Variants in RNF43 observed in about 807,000 individuals in gnomAD.
RNF43 encodes the protein ring finger protein 43, also known as E3 ubiquitin-protein ligase RNF43.
RNF43 carries 37 observed loss-of-function variants against 78.4 expected under a neutral mutation model. The ratio of observed to expected loss-of-function variants is 0.47; its 90% CI spans 0.36 to 0.62. RNF43 has a LOEUF of 0.62. RNF43 is among the 20% of genes least tolerant of loss of function. The pLI, the probability that RNF43 is intolerant of heterozygous loss-of-function variation, is 0.00. For synonymous variants in RNF43, 347 were observed against 395.0 expected (o/e 0.88, Z 1.44); for missense variants, 774 against 1,007.9 (o/e 0.77, Z 3.14).
At chr17:58,387,309 ATACATT>A (rs1385899661) in intron 2 of RNF43, among the ~76,000 whole-genome samples, 1 of 152,188 alleles carries the variant, frequency 6.6e-6, no homozygotes, top group Non-Finnish European at 1.5e-5. Context: ...ACACACTTGA[ATACATT>A]TACATGAGAA....
intron 2 of RNF43, among the ~76,000 whole-genome samples, chr17:58,413,574 T>C (rs1394233827): frequency 2.0e-5 from 3 of 152,132 alleles, no homozygotes; most frequent in Admixed American, 1.3e-4. Context: ...TGTATAATGA[T>C]AGGATCAAAG....
At chr17:58,381,577 T>G (rs1425706575) in intron 2 of RNF43, among the ~76,000 whole-genome samples, 1 of 152,214 alleles carries the variant, frequency 6.6e-6, no homozygotes, top group Non-Finnish European at 1.5e-5. Flanking sequence ...TGGGAGGGAT[T>G]GCCATTTGGG....
chr17:58,384,774 C>T (rs962468374), intron 2 of RNF43, among the ~76,000 whole-genome samples: 4 of 152,174 alleles, frequency 2.6e-5, no homozygotes, highest in Non-Finnish European at 4.4e-5. Context: ...ACTAAACCTC[C>T]AATGACATAG....
At position 58,415,512 on chromosome 17, in the gene RNF43, C is replaced by G. The variant is rs1443871334; in HGVS notation, c.66G>C (p.Gln22His). The change falls in exon 2 of 10, where the codon CAG becomes CAC. Residue 22 changes from glutamine (Q) to histidine (H), a missense_variant. Gln to His is a conservative substitution (Grantham distance 24, BLOSUM62 0). Coordinates refer to ENST00000407977, the MANE Select transcript of RNF43 (RefSeq NM_017763.6). ...CCAGTCCTGTGCGTCCAAAGCCTGC[C>G]TGCAGGGTAGCCATCAGCAGCCAGG... Reference protein sequence around the residue: ...LWPWLLMATLQAGFGRTGLVL... With the variant: ...LWPWLLMATLHAGFGRTGLVL... 6.8e-6 allele frequency: 11 copies of G among 1,612,792 alleles called. No individual in the cohort carries two copies. Among genetic ancestry groups the G allele is most frequent in the Non-Finnish European group, 9.3e-6 (11 of 1,180,030 alleles).
chr17:58,367,921 TA>T (rs201439221), intron 3 of RNF43, among the ~76,000 whole-genome samples: 2,343 of 152,314 alleles, frequency 0.015, 51 homozygotes, highest in African/African-American at 0.054. Flanking sequence ...GGCATGGGGC[TA>T]AAAACTTCCA....
chr17:58,367,393 T>C (rs554431677), intron 3 of RNF43, among the ~76,000 whole-genome samples: 173 of 152,274 alleles, frequency 1.1e-3, no homozygotes, highest in African/African-American at 4.1e-3. Context: ...TCAGCCCCAC[T>C]TTTGAGGTGG....
downstream of RNF43, chr17:58,352,737 G>A (rs1463426904): frequency 4.7e-6 from 1 of 210,664 alleles, no homozygotes; most frequent in Non-Finnish European, 9.6e-6. Flanking sequence ...GGGAGCTACG[G>A]CGGAAAAAAA....
chr17:58,369,426 T>G (rs533552623), intron 3 of RNF43, among the ~76,000 whole-genome samples: 1 of 152,252 alleles, frequency 6.6e-6, no homozygotes, highest in South Asian at 2.1e-4. Context: ...TGGGATGAGG[T>G]AAGAACCCAG....
rs1405424113 is a variant in RNF43 at position 58,357,094 on chromosome 17, A to C, written c.2308+374T>G. Reference sequence around the variant, plus strand: ...TTTTTAGTAGAGATAGGGTTTCACCATGTTGGCCAGGTTGGTCTTGAACTC... The same window carrying C: ...TTTTTAGTAGAGATAGGGTTTCACCCTGTTGGCCAGGTTGGTCTTGAACTC... On this transcript the variant is annotated intron_variant, in intron 9 of 9. Transcript: ENST00000407977. The surrounding 1 kb of genome is among the most constrained non-coding windows in gnomAD (Gnocchi z 4.5). 3.1e-6 allele frequency: 2 copies of C among 641,540 alleles called. No individual in the cohort carries two copies. Among genetic ancestry groups the C allele is most frequent in the African/African-American group, 3.6e-5 (2 of 55,332 alleles). The allele number at this position is 641,540 out of a possible 1,614,324, so 39.7% of individuals were successfully genotyped here. A position where few individuals can be genotyped will look rare whatever the true frequency, so the allele number is the denominator to read the frequency against.
At chr17:58,401,545 A>G (rs1973800606) in intron 2 of RNF43, among the ~76,000 whole-genome samples, 1 of 152,210 alleles carries the variant, frequency 6.6e-6, no homozygotes, top group Non-Finnish European at 1.5e-5. Context: ...ACAGGCTCTA[A>G]CTCAAACCTC....
chr17:58,404,017 G>A (rs1973856493), intron 2 of RNF43, among the ~76,000 whole-genome samples: 1 of 152,116 alleles, frequency 6.6e-6, no homozygotes, highest in African/African-American at 2.4e-5. Context: ...TACAATAAGG[G>A]TCCTCAATCT....
Position 58,357,625 on chromosome 17 carries a change from GGGGC to G in RNF43, c.2147_2150del (p.Gly716AlafsTer13), listed in dbSNP as rs1972715922. On this transcript the variant is annotated frameshift_variant, in exon 9 of 10. Coordinates refer to ENST00000407977, the MANE Select transcript of RNF43 (RefSeq NM_017763.6). LOFTEE classifies it high-confidence loss of function. This position sits in a 1 kb window ranked among gnomAD's most constrained non-coding sequence, Gnocchi z 4.5. ...ACACTGGCTGTGAATTTGAGTAACA[GGGGC>G]CTGGGGTTTCTGGTAGCAGCCTCTT... 6.2e-7 allele frequency: 1 copy of G among 1,613,858 alleles called. No individual in the cohort carries two copies. The highest frequency in any genetic ancestry group is 8.5e-7 in the Non-Finnish European group (1 of 1,179,906).
At chr17:58,363,753 G>C (rs971134836) in intron 3 of RNF43, among the ~76,000 whole-genome samples, 153 bp from the exon 4 acceptor site, 2 of 152,186 alleles carry the variant, frequency 1.3e-5, no homozygotes, top group Non-Finnish European at 2.9e-5. Context: ...AGGGGTCACT[G>C]GGTCTAAGAT....
intron 2 of RNF43, among the ~76,000 whole-genome samples, chr17:58,391,148 G>A (rs1973549080): frequency 6.6e-6 from 1 of 152,220 alleles, no homozygotes; most frequent in Admixed American, 6.5e-5. Context: ...GAGATATGGA[G>A]TACACTGAGG....
downstream of RNF43, chr17:58,352,923 A>T (rs1013856902): frequency 3.3e-5 from 7 of 213,712 alleles, no homozygotes; most frequent in Non-Finnish European, 6.6e-5. Flanking sequence ...CTTGTTCTAT[A>T]GGCACTAAAC....
In RNF43 at chr17:58,372,774, T is replaced by C. The variant is rs77903990; in HGVS notation, c.253-1741A>G. Among the ~76,000 whole-genome samples, 1,107 of 152,274 alleles carry C rather than the reference T, an allele frequency of 7.3e-3. 4 individuals carry two copies. Among genetic ancestry groups the C allele is most frequent in the Middle Eastern group, 0.034 (10 of 294 alleles). On this transcript the variant is annotated intron_variant, in intron 2 of 9. Coordinates refer to ENST00000407977, the MANE Select transcript of RNF43 (RefSeq NM_017763.6). ...TTTTCACAAGAGGTGACTGGAGAGC[T>C]ACCTGGAAGGCTAACTAGGTATGTG...
chr17:58,389,968 T>C (rs1440133389), intron 2 of RNF43, among the ~76,000 whole-genome samples: 1 of 152,196 alleles, frequency 6.6e-6, no homozygotes, highest in Non-Finnish European at 1.5e-5. Context: ...TGGAAGAAAG[T>C]ATTACTCGTC....
At chr17:58,412,661 G>GA in intron 2 of RNF43, among the ~76,000 whole-genome samples, 2 of 149,666 alleles carry the variant, frequency 1.3e-5, no homozygotes, top group Non-Finnish European at 1.5e-5. Context: ...TCAAGGGGGG[G>GA]GGTCTCCTTT....
chr17:58,397,975 C>T (rs563750575), intron 2 of RNF43, among the ~76,000 whole-genome samples: 1 of 152,270 alleles, frequency 6.6e-6, no homozygotes, highest in African/African-American at 2.4e-5. Flanking sequence ...TGTATCAGCC[C>T]ACTCCCTATC....
Sources: allele counts gnomAD v4.1 joint callset (sites outside exome capture counted in the v4.1 genomes callset), GRCh38; gene constraint gnomAD v4.1.1; non-coding constraint Gnocchi (gnomAD v3.1); transcripts MANE v1.5; gene names NCBI Gene and HGNC (gene_info 2026-07-23, HGNC 2026-07-21).